Variants in KIAA1549L observed in about 807,000 individuals in gnomAD.
KIAA1549L encodes the protein UPF0606 protein KIAA1549L.
A neutral mutation model predicts 160.7 loss-of-function variants in KIAA1549L; 88 were observed. The ratio of observed to expected loss-of-function variants is 0.55; its 90% CI spans 0.46 to 0.65. KIAA1549L has a LOEUF of 0.65. Ranked by LOEUF, KIAA1549L falls within the 30% of genes least tolerant of loss-of-function variation. The pLI, the probability that KIAA1549L is intolerant of heterozygous loss-of-function variation, is 0.00. For missense variants in KIAA1549L, 2,258 were observed against 2,437.5 expected (o/e 0.93, Z 1.55); for synonymous variants, 950 against 976.7 (o/e 0.97, Z 0.51).
intron 1 of KIAA1549L, among the ~76,000 whole-genome samples, chr11:33,460,707 A>C (rs1851925019): frequency 6.6e-6 from 1 of 152,242 alleles, no homozygotes; most frequent in Non-Finnish European, 1.5e-5. Flanking sequence ...ACGTTTAATT[A>C]AAAATAATTC....
chr11:33,399,639 A>G (rs1224975492), intron 1 of KIAA1549L, among the ~76,000 whole-genome samples: 2 of 152,170 alleles, frequency 1.3e-5, no homozygotes, highest in Non-Finnish European at 2.9e-5. Flanking sequence ...CCCGCTGTCA[A>G]CTGGCCATCT....
intron 1 of KIAA1549L, among the ~76,000 whole-genome samples, chr11:33,522,892 C>A: frequency 9.1e-6 from 1 of 109,648 alleles, no homozygotes; most frequent in Non-Finnish European, 1.8e-5. Context: ...AAGTGAGATT[C>A]TCTCTCTCAA....
At chr11:33,442,101 G>T (rs1413409326) in intron 1 of KIAA1549L, among the ~76,000 whole-genome samples, 4 of 151,652 alleles carry the variant, frequency 2.6e-5, no homozygotes, top group African/African-American at 9.6e-5. Context: ...TTTTGTATAA[G>T]GTATAAGGAA....
intron 1 of KIAA1549L, among the ~76,000 whole-genome samples, chr11:33,464,474 ATGTGTGTGTGTGTG>A (rs3038997): frequency 7.8e-5 from 11 of 140,198 alleles, no homozygotes; most frequent in Non-Finnish European, 1.4e-4. Flanking sequence ...CTGTGTGTGC[ATGTGTGTGTGTGTG>A]TGTGTGTGTG....
chr11:33,661,974 C>G lies in KIAA1549L; in HGVS notation c.6159+960C>G, dbSNP rs1368152296. Among the ~76,000 whole-genome samples the G allele has an allele frequency of 2.7e-5, 4 of 150,508 alleles. No homozygotes were observed. In the East Asian group the frequency reaches 7.8e-4, roughly 29 times the overall value. On this transcript the variant is annotated intron_variant, in intron 20 of 20. Transcript: ENST00000658780. Reference sequence around the variant, plus strand: ...GACCAAGTCTTACCCCTTTAATTTCCAAAACATTTAAAAATATATGCAGCT... The same window carrying G: ...GACCAAGTCTTACCCCTTTAATTTCGAAAACATTTAAAAATATATGCAGCT...
rs748337314 is a variant in KIAA1549L at position 33,545,231 on chromosome 11, G to A, written c.3238G>A (p.Ala1080Thr). The A allele has an allele frequency of 1.9e-6, 3 of 1,613,978 alleles. No individual in the cohort carries two copies. The highest frequency in any genetic ancestry group is 1.1e-5 in the South Asian group (1 of 91,078). Residue 1080 changes from alanine to threonine, a missense_variant, in exon 3 of 21, where the codon GCC becomes ACC. Transcript: ENST00000658780. ...TVTAALTSIT[A>T]SVKATRLPPL... Reference sequence around the variant, plus strand: ...CACGGCCGCGCTGACATCCATTACAGCCTCAGTGAAGGCCACCCGGTTGCC... The same window carrying A: ...CACGGCCGCGCTGACATCCATTACAACCTCAGTGAAGGCCACCCGGTTGCC...
intron 1 of KIAA1549L, among the ~76,000 whole-genome samples, chr11:33,414,993 C>A (rs145914502): frequency 6.6e-6 from 1 of 151,870 alleles, no homozygotes; most frequent in African/African-American, 2.4e-5. Context: ...TTGTCATTTG[C>A]GTTTTAATTT....
At chr11:33,630,620 T>C (rs1239763910) in intron 16 of KIAA1549L, among the ~76,000 whole-genome samples, 1 of 152,250 alleles carries the variant, frequency 6.6e-6, no homozygotes, top group Non-Finnish European at 1.5e-5. Flanking sequence ...AGTGAGGCAA[T>C]GCCTCGCCCT....
At chr11:33,518,935 A>G (rs1853418753) in intron 1 of KIAA1549L, among the ~76,000 whole-genome samples, 1 of 152,230 alleles carries the variant, frequency 6.6e-6, no homozygotes, top group Non-Finnish European at 1.5e-5. Flanking sequence ...TGCTCCATTG[A>G]GCATATCCTA....
chr11:33,582,012 A>G (rs1046652428), intron 10 of KIAA1549L, among the ~76,000 whole-genome samples: 1 of 152,240 alleles, frequency 6.6e-6, no homozygotes, highest in African/African-American at 2.4e-5. Context: ...GGATAAAATA[A>G]TGATAAAGAG....
intron 8 of KIAA1549L, 128 bp downstream of exon 8, chr11:33,561,863 T>C: frequency 1.5e-6 from 1 of 683,076 alleles, no homozygotes. Flanking sequence ...AGGAAGTTAC[T>C]TCTACAGGAC....
chr11:33,395,459 C>A (rs1422120295), intron 1 of KIAA1549L, among the ~76,000 whole-genome samples: 1 of 152,164 alleles, frequency 6.6e-6, no homozygotes, highest in African/African-American at 2.4e-5. Context: ...AACTCTCTTT[C>A]ATCTATATAT....
chr11:33,527,029 A>T lies in KIAA1549L; in HGVS notation c.239-14773A>T, dbSNP rs139873246. 5.8e-3 allele frequency among the ~76,000 whole-genome samples: 887 copies of T among 152,352 alleles called. 7 individuals carry two copies. The highest frequency in any genetic ancestry group is 9.6e-3 in the Non-Finnish European group (654 of 68,030). ...CAAAATACACTGGAAAGTTTCAACA[A>T]TAGAATCAAGCAAGTAGAAGAAAGA... On this transcript the variant is annotated intron_variant, in intron 1 of 20. Transcript: ENST00000658780.
intron 1 of KIAA1549L, among the ~76,000 whole-genome samples, chr11:33,539,060 T>TTTCTGAAATTTTTCAAATCAGTTC (rs1450029920): frequency 6.6e-6 from 1 of 152,250 alleles, no homozygotes; most frequent in Non-Finnish European, 1.5e-5. Context: ...GAAACATGTT[T>TTTCTGAAATTTTTCAAATCAGTTC]TTCTGAAATT....
intron 11 of KIAA1549L, among the ~76,000 whole-genome samples, chr11:33,590,098 C>T (rs1027429942): frequency 2.6e-4 from 39 of 152,330 alleles, no homozygotes; most frequent in South Asian, 2.1e-4. Context: ...TGGCTAGGCA[C>T]TTATCTAAAT....
intron 1 of KIAA1549L, among the ~76,000 whole-genome samples, chr11:33,425,937 A>G (rs1851107134): frequency 6.6e-6 from 1 of 152,236 alleles, no homozygotes; most frequent in African/African-American, 2.4e-5. Context: ...GGGCAGTTCT[A>G]CAAAATACCT....
chr11:33,651,929 C>CCCTCCCTT (rs1851908623), intron 17 of KIAA1549L, among the ~76,000 whole-genome samples: 2 of 114,298 alleles, frequency 1.7e-5, no homozygotes, highest in Non-Finnish European at 3.6e-5. Flanking sequence ...CTCCCTCCCT[C>CCCTCCCTT]CCTTCCTTCC....
intron 9 of KIAA1549L, among the ~76,000 whole-genome samples, chr11:33,572,546 G>A (rs930462792): frequency 4.0e-5 from 6 of 151,870 alleles, no homozygotes; most frequent in African/African-American, 1.2e-4. Flanking sequence ...CATATAAATC[G>A]AATCCTACAG....
At chr11:33,632,861 G>T (rs554838220) in intron 16 of KIAA1549L, among the ~76,000 whole-genome samples, 2 of 152,104 alleles carry the variant, frequency 1.3e-5, no homozygotes, top group African/African-American at 4.8e-5. Context: ...CTCCCAGAGT[G>T]CTGGGATTAT....
Sources: gnomAD v4.1 joint callset for allele counts (sites outside exome capture counted in the v4.1 genomes callset) on GRCh38, gnomAD v4.1.1 for gene constraint, MANE v1.5 for transcripts, NCBI Gene and HGNC (gene_info 2026-07-23, HGNC 2026-07-21) for gene names.